The following ENAH variants were observed in gnomAD, a reference collection of about 807,000 sequenced individuals.
The protein encoded by ENAH is protein enabled homolog.
ENAH carries 23 observed loss-of-function variants against 78.7 expected under a neutral mutation model. The observed-to-expected ratio is 0.29, with a 90% CI of 0.21 to 0.41. The LOEUF (loss-of-function observed/expected upper bound fraction) is 0.41. ENAH is among the 10% of genes least tolerant of loss of function. The pLI, the probability that ENAH is intolerant of heterozygous loss-of-function variation, is 1.00. For synonymous variants in ENAH, 226 were observed against 241.0 expected, an observed-to-expected ratio of 0.94 and a Z score of 0.58; for missense variants, 544 against 691.0, an observed-to-expected ratio of 0.79 and a Z score of 2.39.
chr1:225,588,802 A>T (rs945917014), intron 1 of ENAH, among the ~76,000 whole-genome samples: 1 of 6,086 alleles, frequency 1.6e-4, no homozygotes, highest in Non-Finnish European at 3.5e-4. Context: ...AGTCTGTGTC[A>T]AAAAAAAAAA....
chr1:225,528,038 ATT>A (rs2096518651), intron 4 of ENAH, among the ~76,000 whole-genome samples: 1 of 152,206 alleles, frequency 6.6e-6, no homozygotes, highest in Non-Finnish European at 1.5e-5. Flanking sequence ...AGTGAAGAAA[ATT>A]ACCACATTAA....
At chr1:225,521,519 T>C (rs1170986610) in intron 4 of ENAH, among the ~76,000 whole-genome samples, 2 of 151,474 alleles carry the variant, frequency 1.3e-5, no homozygotes, top group Admixed American at 1.3e-4. Flanking sequence ...TGTGCGCCTG[T>C]AATCCCAGCT....
intron 7 of ENAH, 46 bp from the exon 8 acceptor site, chr1:225,513,062 C>T (rs749191243): frequency 6.8e-7 from 1 of 1,475,830 alleles, no homozygotes; most frequent in African/African-American, 1.4e-5. Flanking sequence ...GTTAGACAAC[C>T]ATATTTTTAT....
At chr1:225,604,963 C>G (rs2096949813) in intron 1 of ENAH, among the ~76,000 whole-genome samples, 1 of 152,180 alleles carries the variant, frequency 6.6e-6, no homozygotes, top group African/African-American at 2.4e-5. Flanking sequence ...GGGAAAAGGG[C>G]ATCCTCATAC....
At chr1:225,587,044 C>T (rs142637648) in intron 1 of ENAH, among the ~76,000 whole-genome samples, 4 of 152,216 alleles carry the variant, frequency 2.6e-5, no homozygotes, top group African/African-American at 9.6e-5. Flanking sequence ...GAAGTGATTT[C>T]CCCTAATGTG....
intron 1 of ENAH, 47 bp downstream of exon 1, chr1:225,652,639 C>T: frequency 4.0e-6 from 5 of 1,264,328 alleles, no homozygotes; most frequent in Middle Eastern, 3.0e-4. Context: ...GGTCGCGGCT[C>T]CCGCGGCACA....
intron 1 of ENAH, among the ~76,000 whole-genome samples, chr1:225,603,362 AAAG>A (rs1298300304): frequency 6.6e-6 from 1 of 152,190 alleles, no homozygotes; most frequent in Admixed American, 6.5e-5. Context: ...TAAATTATTA[AAAG>A]AATAACCCCT....
chr1:225,514,962 T>G, intron 6 of ENAH, 62 bp from the exon 7 acceptor site: 1 of 1,377,872 alleles, frequency 7.3e-7, no homozygotes, highest in South Asian at 1.2e-5. Flanking sequence ...TTATTTTATG[T>G]GGGAAGGTAC....
At chr1:225,642,450 G>A (rs963264597) in intron 1 of ENAH, among the ~76,000 whole-genome samples, 4 of 152,142 alleles carry the variant, frequency 2.6e-5, no homozygotes, top group Admixed American at 6.5e-5. Context: ...CGATGAGGCA[G>A]AGGGATGGGA....
intron 3 of ENAH, among the ~76,000 whole-genome samples, chr1:225,533,708 T>A (rs1167877888): frequency 5.9e-5 from 9 of 152,134 alleles, no homozygotes; most frequent in African/African-American, 2.2e-4. Context: ...ACCCTATAAA[T>A]GATTAAAATC....
chr1:225,518,320 A>C (rs78475618), intron 5 of ENAH, among the ~76,000 whole-genome samples: 6,536 of 152,270 alleles, frequency 0.043, 228 homozygotes, highest in South Asian at 0.11. Flanking sequence ...GGACATTAAA[A>C]TCACATGAAT....
At chr1:225,521,058 G>GCA (rs1011660392) in intron 4 of ENAH, among the ~76,000 whole-genome samples, 17 of 151,432 alleles carry the variant, frequency 1.1e-4, no homozygotes, top group East Asian at 1.9e-4. Context: ...GCACGCGCGC[G>GCA]CACACACACA....
At chr1:225,550,625 G>T (rs927117053) in intron 3 of ENAH, among the ~76,000 whole-genome samples, 14 of 152,018 alleles carry the variant, frequency 9.2e-5, no homozygotes, top group Admixed American at 6.5e-4. Flanking sequence ...GTACATACTG[G>T]AAGGTATGTC....
rs1663268429 is a variant in ENAH, at chr1:225,652,700, G to A, written c.-10C>T. 1.5e-6 allele frequency: 2 copies of A among 1,319,520 alleles called. No homozygotes were observed. The highest frequency in any genetic ancestry group is 1.9e-6 in the Non-Finnish European group (2 of 1,036,996). The allele number at this position is 1,319,520 out of a possible 1,614,324, so 81.7% of individuals were successfully genotyped here. ...GCGCCCCTCACCTCATGGTGCCGGC[G>A]GCGCAGAGGCTTCCCCACCAGCCGG... On this transcript the variant is annotated 5_prime_UTR_variant, in exon 1 of 14. Coordinates refer to ENST00000366843, the MANE Select transcript of ENAH (RefSeq NM_018212.6).
At chr1:225,548,365 G>A (rs1243978850) in intron 3 of ENAH, among the ~76,000 whole-genome samples, 1 of 152,126 alleles carries the variant, frequency 6.6e-6, no homozygotes, top group African/African-American at 2.4e-5. Context: ...ACCAGAGGGA[G>A]AGACAGAACT....
chr1:225,512,844 C>T (rs1004509623), intron 8 of ENAH, 27 bp downstream of exon 8: 37 of 1,611,138 alleles, frequency 2.3e-5, no homozygotes, highest in Non-Finnish European at 3.1e-5. Flanking sequence ...CAATTCTGGG[C>T]ATGTCCATTA....
chr1:225,637,578 G>C, intron 1 of ENAH, among the ~76,000 whole-genome samples: 1 of 152,130 alleles, frequency 6.6e-6, no homozygotes, highest in East Asian at 1.9e-4. Flanking sequence ...GGAAGGTAGG[G>C]TGACAGATCT....
At chr1:225,590,209 C>T (rs115720213) in intron 1 of ENAH, among the ~76,000 whole-genome samples, 6,453 of 151,942 alleles carry the variant, frequency 0.042, 227 homozygotes, top group South Asian at 0.11. Flanking sequence ...AGGGGCCAGG[C>T]GTGGTGGCTC....
intron 1 of ENAH, among the ~76,000 whole-genome samples, chr1:225,617,928 G>A (rs1656083397): frequency 6.6e-6 from 1 of 152,098 alleles, no homozygotes; most frequent in Admixed American, 6.6e-5. Flanking sequence ...AAATCTTAAG[G>A]GAAGGCATAA....
Sources: gnomAD v4.1 joint callset for allele counts (sites outside exome capture counted in the v4.1 genomes callset) on GRCh38, gnomAD v4.1.1 for gene constraint, MANE v1.5 for transcripts, NCBI Gene and HGNC (gene_info 2026-07-23, HGNC 2026-07-21) for gene names.